LPP: variants seen among roughly 807,000 people sequenced by gnomAD.
LPP encodes lipoma-preferred partner.
A neutral mutation model predicts 60.4 loss-of-function variants in LPP; 38 were observed. That is an observed-to-expected ratio of 0.63 (90% CI 0.49 to 0.83). The LOEUF is 0.83. LPP is among the 40% of genes least tolerant of loss of function. The probability of loss-of-function intolerance (pLI) is 0.00; values close to 1 mark genes in which losing one functional copy is unlikely to be tolerated. For missense variants in LPP, 902 were observed against 783.6 expected (o/e 1.15, Z -1.80); for synonymous variants, 328 against 290.8 (o/e 1.13, Z -1.30).
rs138052824 is a variant in LPP at position 188,816,585 on chromosome 3, T to G, written c.1411-49615T>G. On this transcript the variant is annotated intron_variant, in intron 9 of 11. Transcript: ENST00000617246. ...TCTTAGGCAGAGCTTATACCTCCCT[T>G]CATGTATGTTACATGTACATGTATT... 2.2e-3 allele frequency among the ~76,000 whole-genome samples: 342 copies of G among 152,318 alleles called. 2 individuals are homozygous for G. The highest frequency in any genetic ancestry group is 8.0e-3 in the African/African-American group (331 of 41,568).
At chr3:188,421,192 A>C (rs9847546) in intron 4 of LPP, among the ~76,000 whole-genome samples, 134,124 of 152,126 alleles carry the variant, frequency 0.88, 61,303 homozygotes, top group Non-Finnish European at 1. Context: ...GTAACTATTA[A>C]CCATGTATTT....
intron 1 of LPP, among the ~76,000 whole-genome samples, chr3:188,212,105 C>T (rs1376862179): frequency 2.0e-5 from 3 of 152,058 alleles, no homozygotes; most frequent in Admixed American, 6.5e-5. Context: ...GTGATCCTCC[C>T]GCCTTGGTCT....
At position 188,244,868 on chromosome 3, in the gene LPP, G is replaced by A. The variant is rs186918135; in HGVS notation, c.-67+19341G>A. ...TTTCTGAAGCCTCAGCATGTACATC[G>A]GTATCTGGTTCATGGTAGATTTTCA... is the stretch of plus-strand genomic sequence containing the variant. On this transcript the variant is annotated intron_variant, in intron 2 of 11. Coordinates refer to ENST00000617246, the MANE Select transcript of LPP (RefSeq NM_001375462.1). Among the ~76,000 whole-genome samples the A allele has an allele frequency of 2.8e-4, 43 of 152,210 alleles. 1 individual carries two copies. The East Asian group carries it at 6.0e-3, about 21-fold the overall frequency.
chr3:188,731,683 C>G (rs935763256), intron 8 of LPP, among the ~76,000 whole-genome samples: 1 of 151,818 alleles, frequency 6.6e-6, no homozygotes, highest in South Asian at 2.1e-4. Flanking sequence ...CCACCATGCC[C>G]GGGTAACTTT....
chr3:188,313,195 C>G (rs1411760823), intron 2 of LPP, among the ~76,000 whole-genome samples: 1 of 151,946 alleles, frequency 6.6e-6, no homozygotes, highest in Non-Finnish European at 1.5e-5. Context: ...TCATCTGTCA[C>G]TTCATGTGTC....
chr3:188,750,477 C>CA (rs1445692787), intron 8 of LPP, among the ~76,000 whole-genome samples: 3 of 151,800 alleles, frequency 2.0e-5, no homozygotes, highest in African/African-American at 7.3e-5. Flanking sequence ...CTACAAATAT[C>CA]AAAAAATTAG....
At chr3:188,576,969 G>A (rs943163253) in intron 6 of LPP, among the ~76,000 whole-genome samples, 6 of 152,144 alleles carry the variant, frequency 3.9e-5, no homozygotes, top group South Asian at 2.1e-4. Flanking sequence ...ATTAATCAGC[G>A]TGGTTATCTT....
intron 2 of LPP, among the ~76,000 whole-genome samples, chr3:188,244,599 C>T (rs1367681265): frequency 6.6e-6 from 1 of 152,238 alleles, no homozygotes; most frequent in Non-Finnish European, 1.5e-5. Context: ...GACTTTCTCA[C>T]TGTGTGTGGC....
chr3:188,309,153 T>C (rs1437979092), intron 2 of LPP, among the ~76,000 whole-genome samples: 1 of 151,744 alleles, frequency 6.6e-6, no homozygotes, highest in East Asian at 1.9e-4. Flanking sequence ...CCTCAGTATC[T>C]GGGATTATAG....
chr3:188,299,360 T>A (rs565834922), intron 2 of LPP, among the ~76,000 whole-genome samples: 1 of 152,228 alleles, frequency 6.6e-6, no homozygotes, highest in African/African-American at 2.4e-5. Flanking sequence ...TACCGGTGAG[T>A]CATTCCAAGA....
chr3:188,446,026 A>G (rs1357942229), intron 4 of LPP, among the ~76,000 whole-genome samples: 1 of 152,132 alleles, frequency 6.6e-6, no homozygotes, highest in Non-Finnish European at 1.5e-5. Context: ...TTTTGCACCC[A>G]CTGTTTTTCT....
intron 6 of LPP, among the ~76,000 whole-genome samples, chr3:188,586,605 T>C (rs1050476370): frequency 1.3e-5 from 2 of 152,178 alleles, no homozygotes; most frequent in African/African-American, 4.8e-5. Flanking sequence ...TACTAAAACA[T>C]GCTTAGAGAA....
At chr3:188,545,445 ATTTATTTC>A (rs1826373087) in intron 6 of LPP, among the ~76,000 whole-genome samples, 2 of 151,964 alleles carry the variant, frequency 1.3e-5, no homozygotes, top group South Asian at 4.2e-4. Flanking sequence ...TGTATCAGCC[ATTTATTTC>A]TGCTTGATAA....
chr3:188,199,715 T>C (rs1332782612), intron 1 of LPP, among the ~76,000 whole-genome samples: 1 of 149,826 alleles, frequency 6.7e-6, no homozygotes, highest in African/African-American at 2.4e-5. Flanking sequence ...TATTTTGGAT[T>C]TTTTTTTTTT....
intron 6 of LPP, among the ~76,000 whole-genome samples, chr3:188,556,996 AC>A (rs1198685443): frequency 6.6e-6 from 1 of 151,962 alleles, no homozygotes; most frequent in Non-Finnish European, 1.5e-5. Context: ...TAATTTTCTC[AC>A]CTTTTAAAGT....
chr3:188,885,766 G>A lies in LPP; in HGVS notation c.*11287G>A, dbSNP rs1233603271. The A allele has an allele frequency of 1.3e-5, 2 of 152,190 alleles. No homozygotes were observed. Among genetic ancestry groups the A allele is most frequent in the East Asian group, 1.9e-4 (1 of 5,192 alleles). The allele number at this position is 152,190 out of a possible 1,614,324, so 9.4% of individuals were successfully genotyped here. A position where few individuals can be genotyped will look rare whatever the true frequency, so the allele number is the denominator to read the frequency against. On this transcript the variant is annotated 3_prime_UTR_variant, in exon 12 of 12. Transcript: ENST00000617246. ...TCACAGTCCCACCAACAGTGTAAAAGTGTTCTTATTTCTCCACATCCTCTC... is the reference window on the plus strand; with the variant it reads ...TCACAGTCCCACCAACAGTGTAAAAATGTTCTTATTTCTCCACATCCTCTC...
At chr3:188,576,828 C>T (rs7641076) in intron 6 of LPP, among the ~76,000 whole-genome samples, 152,309 of 152,310 alleles carry the variant, frequency 1, 76,154 homozygotes, top group Non-Finnish European at 1. Flanking sequence ...CCAGAAGTCA[C>T]AGTTCAAAAC....
intron 3 of LPP, among the ~76,000 whole-genome samples, chr3:188,402,539 G>T (rs1782497981): frequency 6.6e-6 from 1 of 152,160 alleles, no homozygotes; most frequent in Non-Finnish European, 1.5e-5. Context: ...TCAATATCTG[G>T]AAATCTATCA....
rs1157386492 is a variant in LPP at position 188,850,701 on chromosome 3, G to A, written c.1411-15499G>A. On this transcript the variant is annotated intron_variant, in intron 9 of 11. Transcript: ENST00000617246. Reference sequence around the variant, plus strand: ...ATCAACAATAATAATAATAATGTAGGACCACAGAAAAGTAAATGAAATCTT... The same window carrying A: ...ATCAACAATAATAATAATAATGTAGAACCACAGAAAAGTAAATGAAATCTT... Among the ~76,000 whole-genome samples, 4 of 152,226 alleles carry A rather than the reference G, an allele frequency of 2.6e-5. No individual in the cohort carries two copies. The South Asian group carries it at 8.3e-4, about 32-fold the overall frequency.
Sources: gnomAD v4.1 joint callset for allele counts (sites outside exome capture counted in the v4.1 genomes callset) on GRCh38, gnomAD v4.1.1 for gene constraint, MANE v1.5 for transcripts, NCBI Gene and HGNC (gene_info 2026-07-23, HGNC 2026-07-21) for gene names.